The following SLC25A21 variants were observed in gnomAD, a reference collection of about 807,000 sequenced individuals.
SLC25A21 encodes mitochondrial 2-oxodicarboxylate carrier.
SLC25A21 carries 47 observed loss-of-function variants against 43.8 expected under a neutral mutation model. The ratio of observed to expected loss-of-function variants is 1.07; its 90% CI spans 0.85 to 1.37. The LOEUF (loss-of-function observed/expected upper bound fraction) is 1.37. Among genes scored for constraint, SLC25A21 ranks in the 40% most tolerant of loss-of-function variants. SLC25A21 has a pLI of 0.00. For synonymous variants in SLC25A21, 131 were observed against 121.3 expected, an observed-to-expected ratio of 1.08 and a Z score of -0.52; for missense variants, 352 against 350.2, an observed-to-expected ratio of 1.00 and a Z score of -0.04.
intron 1 of SLC25A21, among the ~76,000 whole-genome samples, chr14:37,003,627 G>T (rs1960536678): frequency 6.6e-6 from 1 of 152,112 alleles, no homozygotes; most frequent in Non-Finnish European, 1.5e-5. Context: ...TAATTTCATA[G>T]ACATCATGTT....
intron 1 of SLC25A21, among the ~76,000 whole-genome samples, chr14:36,924,812 G>C (rs889022177): frequency 6.6e-6 from 1 of 152,136 alleles, no homozygotes; most frequent in South Asian, 2.1e-4. Flanking sequence ...GTTTTAGGTA[G>C]TATAAGTAAT....
chr14:36,870,283 T>C (rs1361623712), intron 2 of SLC25A21, among the ~76,000 whole-genome samples: 1 of 152,198 alleles, frequency 6.6e-6, no homozygotes, highest in East Asian at 1.9e-4. Context: ...CCCTGTGGCT[T>C]AAAACAACAA....
intron 3 of SLC25A21, among the ~76,000 whole-genome samples, chr14:36,768,474 G>C (rs1205450246): frequency 6.6e-6 from 1 of 152,052 alleles, no homozygotes; most frequent in African/African-American, 2.4e-5. Context: ...GCATCTCTCT[G>C]TCATTCTCAC....
intron 1 of SLC25A21, among the ~76,000 whole-genome samples, chr14:37,108,488 TAAGC>T (rs899609767): frequency 1.3e-5 from 2 of 152,172 alleles, no homozygotes; most frequent in African/African-American, 4.8e-5. Flanking sequence ...TATTTCCACT[TAAGC>T]AAGAAAAATG....
chr14:36,890,697 G>A (rs185137109), intron 1 of SLC25A21, among the ~76,000 whole-genome samples: 64 of 152,254 alleles, frequency 4.2e-4, no homozygotes, highest in African/African-American at 1.5e-3. Context: ...TTATAATTGA[G>A]TAATATCAAG....
chr14:36,939,208 T>C (rs114597855), intron 1 of SLC25A21, among the ~76,000 whole-genome samples: 8 of 151,732 alleles, frequency 5.3e-5, no homozygotes, highest in African/African-American at 1.9e-4. Flanking sequence ...GTCGGACTCA[T>C]CCATGAAAAA....
chr14:36,683,936 C>G (rs1882409895), intron 8 of SLC25A21, 56 bp from the exon 9 acceptor site: 2 of 1,377,526 alleles, frequency 1.5e-6, no homozygotes, highest in Non-Finnish European at 2.0e-6. Context: ...TGGAGTTGTA[C>G]CTTAGCTTTA....
chr14:36,978,881 A>G (rs1594733410), intron 1 of SLC25A21, among the ~76,000 whole-genome samples: 1 of 152,280 alleles, frequency 6.6e-6, no homozygotes, highest in East Asian at 1.9e-4. Flanking sequence ...AGTCTTCAAA[A>G]AAAGTTTACT....
At chr14:36,691,770 T>G (rs968345120) in intron 7 of SLC25A21, among the ~76,000 whole-genome samples, 3 of 152,236 alleles carry the variant, frequency 2.0e-5, no homozygotes, top group Non-Finnish European at 4.4e-5. Flanking sequence ...AAGTTCTTTT[T>G]AAATATTTAT....
chr14:36,790,172 C>T (rs573305965), intron 3 of SLC25A21, among the ~76,000 whole-genome samples: 1 of 150,522 alleles, frequency 6.6e-6, no homozygotes, highest in Non-Finnish European at 1.5e-5. Context: ...TCTGAAGTGC[C>T]GTGGCATCTT....
Position 36,679,532 on chromosome 14 carries a change from T to G in SLC25A21, c.*1126A>C, listed in dbSNP as rs1168974577. 4.1e-6 allele frequency: 4 copies of G among 985,302 alleles called. No homozygotes were observed. The highest frequency in any genetic ancestry group is 1.7e-5 in the African/African-American group (1 of 57,250). 61.0% of individuals were successfully genotyped at this position (985,302 alleles called of 1,614,324 possible). A position where few individuals can be genotyped will look rare whatever the true frequency, so the allele number is the denominator to read the frequency against. On this transcript the variant is annotated 3_prime_UTR_variant, in exon 10 of 10. Coordinates refer to ENST00000331299, the MANE Select transcript of SLC25A21 (RefSeq NM_030631.4). ...GATGCAGATATAAAATCAAGTTTGG[T>G]TACATCAAGACCAAGGAGATATTTT...
chr14:36,680,657 A>G lies in SLC25A21; in HGVS notation c.*1T>C. On this transcript the variant is annotated 3_prime_UTR_variant, in exon 10 of 10. Transcript: ENST00000331299. ...AAGGGGGAAAAACACTTCATAGGCA[A>G]TCACCAGTTCTCTTGAAGCCATGAA... The G allele has an allele frequency of 6.2e-7, 1 of 1,612,354 alleles. No individual in the cohort carries two copies. The highest frequency in any genetic ancestry group is 8.5e-7 in the Non-Finnish European group (1 of 1,179,164).
At chr14:37,145,294 C>T (rs944205532) in intron 1 of SLC25A21, among the ~76,000 whole-genome samples, 2 of 151,872 alleles carry the variant, frequency 1.3e-5, no homozygotes, top group African/African-American at 2.4e-5. Context: ...GAGATGGGGT[C>T]TCGCTCTGTT....
chr14:36,899,365 C>G (rs570354202), intron 1 of SLC25A21, among the ~76,000 whole-genome samples: 30 of 152,190 alleles, frequency 2.0e-4, no homozygotes, highest in Non-Finnish European at 3.4e-4. Context: ...TAAAGGAAGA[C>G]AAATTATAAA....
chr14:36,859,822 T>C (rs1035506426), intron 2 of SLC25A21, among the ~76,000 whole-genome samples: 2 of 152,202 alleles, frequency 1.3e-5, no homozygotes, highest in South Asian at 2.1e-4. Context: ...TGGCTCATGA[T>C]AGTAAAACAG....
At chr14:37,035,013 T>C (rs1961298376) in intron 1 of SLC25A21, among the ~76,000 whole-genome samples, 1 of 152,246 alleles carries the variant, frequency 6.6e-6, no homozygotes, top group Admixed American at 6.5e-5. Flanking sequence ...TCCTTAATAG[T>C]AGCCCTGTAA....
intron 3 of SLC25A21, among the ~76,000 whole-genome samples, chr14:36,784,321 T>A (rs848111): frequency 6.6e-6 from 1 of 152,148 alleles, no homozygotes; most frequent in Non-Finnish European, 1.5e-5. Flanking sequence ...AACTTACACA[T>A]TCATGCAGTC....
intron 7 of SLC25A21, among the ~76,000 whole-genome samples, chr14:36,709,962 G>C (rs1445523052): frequency 1.3e-5 from 2 of 152,150 alleles, no homozygotes; most frequent in African/African-American, 4.8e-5. Context: ...TTGATGGTAG[G>C]GAAAAATTCT....
intron 6 of SLC25A21, among the ~76,000 whole-genome samples, chr14:36,717,886 A>G (rs1242278223): frequency 6.6e-6 from 1 of 152,202 alleles, no homozygotes; most frequent in Admixed American, 6.5e-5. Flanking sequence ...TGAAATATCA[A>G]CTGAGTGTGA....
Sources: allele counts gnomAD v4.1 joint callset (sites outside exome capture counted in the v4.1 genomes callset), GRCh38; gene constraint gnomAD v4.1.1; transcripts MANE v1.5; gene names NCBI Gene and HGNC (gene_info 2026-07-23, HGNC 2026-07-21).